Variants in PHC3 observed in about 807,000 individuals in gnomAD.
PHC3 encodes the protein polyhomeotic homolog 3.
A neutral mutation model predicts 107.4 loss-of-function variants in PHC3; 13 were observed. That is an observed-to-expected ratio of 0.12 (90% CI 0.08 to 0.19). The LOEUF (loss-of-function observed/expected upper bound fraction) is 0.19. Ranked by LOEUF, PHC3 falls within the 10% of genes least tolerant of loss-of-function variation. The pLI, the probability that PHC3 is intolerant of heterozygous loss-of-function variation, is 1.00. For missense variants in PHC3, 992 were observed against 1,210.9 expected, an observed-to-expected ratio of 0.82 and a Z score of 2.68; for synonymous variants, 456 against 427.4, an observed-to-expected ratio of 1.07 and a Z score of -0.83.
rs74554442 is a variant in PHC3, at chr3:170,105,234, T to C, written c.2468+1598A>G. ...AGTTTTTAAATCACTTAGAATCAGATAACCATTGTTCTTTCTTGTGGTATA... is the reference window on the plus strand; with the variant it reads ...AGTTTTTAAATCACTTAGAATCAGACAACCATTGTTCTTTCTTGTGGTATA... On this transcript the variant is annotated intron_variant, in intron 12 of 14. Transcript: ENST00000495893. Among the ~76,000 whole-genome samples, 1,247 of 152,338 alleles carry C rather than the reference T, an allele frequency of 8.2e-3. 18 individuals carry two copies. Among genetic ancestry groups the C allele is most frequent in the African/African-American group, 0.028 (1,177 of 41,578 alleles).
intron 4 of PHC3, among the ~76,000 whole-genome samples, chr3:170,154,815 G>T (rs1483134589): frequency 6.6e-6 from 1 of 152,212 alleles, no homozygotes; most frequent in Non-Finnish European, 1.5e-5. Flanking sequence ...ACCTCTGCAA[G>T]AAGTCCATCT....
At chr3:170,132,285 G>C (rs1278519846) in intron 7 of PHC3, among the ~76,000 whole-genome samples, 1 of 152,042 alleles carries the variant, frequency 6.6e-6, no homozygotes, top group East Asian at 1.9e-4. Flanking sequence ...TCCAACATAC[G>C]ACAGATGAAG....
At chr3:170,160,222 A>G (rs1727659509) in intron 4 of PHC3, among the ~76,000 whole-genome samples, 2 of 152,230 alleles carry the variant, frequency 1.3e-5, no homozygotes, top group South Asian at 4.1e-4. Flanking sequence ...CTGCTGTCTC[A>G]GGATCATGAT....
At chr3:170,127,965 G>T (rs916671915) in intron 8 of PHC3, among the ~76,000 whole-genome samples, 2 of 152,028 alleles carry the variant, frequency 1.3e-5, no homozygotes, top group Non-Finnish European at 2.9e-5. Flanking sequence ...TCCTCTAAAT[G>T]GATTTTTTCA....
chr3:170,160,574 T>C (rs1197516233), intron 4 of PHC3, among the ~76,000 whole-genome samples: 3 of 152,190 alleles, frequency 2.0e-5, no homozygotes, highest in African/African-American at 4.8e-5. Flanking sequence ...TTAGAATATA[T>C]CCTAAAATAA....
At chr3:170,177,290 T>A (rs1730625167) in intron 2 of PHC3, among the ~76,000 whole-genome samples, 1 of 152,216 alleles carries the variant, frequency 6.6e-6, no homozygotes, top group Non-Finnish European at 1.5e-5. Flanking sequence ...TAGCAGCACC[T>A]AGAGACTTTC....
intron 10 of PHC3, 109 bp downstream of exon 10, chr3:170,117,117 C>T (rs761582771): frequency 1.6e-4 from 225 of 1,377,804 alleles, no homozygotes; most frequent in Non-Finnish European, 2.2e-4. Flanking sequence ...AAATGGACAA[C>T]TTTCTTGAAA....
intron 1 of PHC3, 161 bp downstream of exon 1, chr3:170,181,541 G>A (rs1731433882): frequency 2.9e-6 from 3 of 1,049,228 alleles, no homozygotes; most frequent in Admixed American, 2.1e-5. Context: ...TCTTCGCCCC[G>A]CGACACGGGC....
chr3:170,177,481 C>G (rs1730654381), intron 2 of PHC3, among the ~76,000 whole-genome samples: 1 of 152,080 alleles, frequency 6.6e-6, no homozygotes, highest in Non-Finnish European at 1.5e-5. Context: ...ATACTCCTGC[C>G]TCAGCCTCCC....
intron 11 of PHC3, among the ~76,000 whole-genome samples, chr3:170,112,379 TTATATA>T (rs199779545): frequency 8.4e-6 from 1 of 118,506 alleles, no homozygotes; most frequent in African/African-American, 3.3e-5. Flanking sequence ...CCCAGCTAAT[TTATATA>T]TATATATATA....
intron 4 of PHC3, among the ~76,000 whole-genome samples, chr3:170,161,819 T>C (rs777264593): frequency 6.6e-6 from 1 of 152,220 alleles, no homozygotes; most frequent in African/African-American, 2.4e-5. Flanking sequence ...AGCAGAGAAA[T>C]TGCCAGTGTC....
chr3:170,181,602 A>C, intron 1 of PHC3, 100 bp downstream of exon 1: 1 of 1,563,284 alleles, frequency 6.4e-7, no homozygotes, highest in Non-Finnish European at 8.8e-7. Flanking sequence ...CTTTCCCCAC[A>C]CTGCCCGCAA....
At position 170,090,299 on chromosome 3, in the gene PHC3, T is replaced by G. The variant is rs1332972740; in HGVS notation, c.*6931A>C. The G allele has an allele frequency of 1.3e-5, 2 of 152,200 alleles. No homozygotes were observed. The highest frequency in any genetic ancestry group is 2.9e-5 in the Non-Finnish European group (2 of 68,028). The allele number at this position is 152,200 out of a possible 1,614,324, so 9.4% of individuals were successfully genotyped here. ...TTATTAAGATTCCCTCTCAGTATAT[T>G]AAGTAGTAATGATTATGTTCATATT... On this transcript the variant is annotated 3_prime_UTR_variant, in exon 15 of 15. Transcript: ENST00000495893.
chr3:170,150,778 C>T (rs958106339), intron 4 of PHC3: 5 of 368,044 alleles, frequency 1.4e-5, no homozygotes, highest in South Asian at 3.8e-5. Flanking sequence ...TAGAAGGATG[C>T]GTAAGAAACT....
At chr3:170,106,241 A>T (rs1007257156) in intron 12 of PHC3, among the ~76,000 whole-genome samples, 1 of 152,182 alleles carries the variant, frequency 6.6e-6, no homozygotes, top group African/African-American at 2.4e-5. Context: ...AAACAAAAAA[A>T]TACTACTTAT....
chr3:170,117,175 A>C lies in PHC3; in HGVS notation c.2193+51T>G, dbSNP rs764342572. ...GAGAACAGTAATATGTAACTTTTAA[A>C]ATAATGTTATATAAATTACAAACAC... On this transcript the variant is annotated intron_variant, in intron 10 of 14. Transcript: ENST00000495893. The C allele has an allele frequency of 6.2e-6, 10 of 1,607,000 alleles. No individual in the cohort carries two copies. The South Asian group carries it at 9.9e-5, about 16-fold the overall frequency.
chr3:170,093,728 G>C lies in PHC3; in HGVS notation c.*3502C>G, dbSNP rs893935429. 3.3e-5 allele frequency: 5 copies of C among 152,120 alleles called. No homozygotes were observed. The highest frequency in any genetic ancestry group is 1.2e-4 in the African/African-American group (5 of 41,432). 9.4% of individuals were successfully genotyped at this position (152,120 alleles called of 1,614,324 possible). ...CACATTTCAATTCAATCTAAGACTT[G>C]TATTTGTGAATAGATGTCTCATTAT... On this transcript the variant is annotated 3_prime_UTR_variant, in exon 15 of 15. Transcript: ENST00000495893.
chr3:170,142,050 G>A (rs955931843), intron 6 of PHC3, among the ~76,000 whole-genome samples: 1 of 152,158 alleles, frequency 6.6e-6, no homozygotes, highest in Non-Finnish European at 1.5e-5. Context: ...ACTATGTTAA[G>A]TACTTTTTGT....
chr3:170,158,426 C>A (rs181735417), intron 4 of PHC3, among the ~76,000 whole-genome samples: 55 of 151,892 alleles, frequency 3.6e-4, no homozygotes, highest in African/African-American at 1.3e-3. Flanking sequence ...CATGGTGAAA[C>A]CCCATCTCCA....
Sources: gnomAD v4.1 joint callset for allele counts (sites outside exome capture counted in the v4.1 genomes callset) on GRCh38, gnomAD v4.1.1 for gene constraint, MANE v1.5 for transcripts, NCBI Gene and HGNC (gene_info 2026-07-23, HGNC 2026-07-21) for gene names.